SEC24D: variants seen among roughly 807,000 people sequenced by gnomAD.
The protein encoded by SEC24D is protein transport protein Sec24D.
In SEC24D, 69 loss-of-function variants were observed where a neutral mutation model predicts 116.9. That is an observed-to-expected ratio of 0.59 (90% CI 0.49 to 0.72). SEC24D has a LOEUF of 0.72. SEC24D is among the 30% of genes least tolerant of loss of function. The pLI is 0.00. For missense variants in SEC24D, 1,131 were observed against 1,264.1 expected (o/e 0.89, Z 1.60); for synonymous variants, 405 against 442.8 (o/e 0.91, Z 1.07).
At chr4:118,815,411 G>A (rs368133811) in intron 5 of SEC24D, 40 bp downstream of exon 5, 56 of 1,603,450 alleles carry the variant, frequency 3.5e-5, no homozygotes, top group Non-Finnish European at 4.6e-5. Context: ...GGGTTCCCCT[G>A]GGTAACACAA....
intron 13 of SEC24D, among the ~76,000 whole-genome samples, chr4:118,746,096 A>T (rs1002699019): frequency 1.3e-5 from 2 of 152,022 alleles, no homozygotes. Context: ...GGATTGCTTA[A>T]GCCTAGGAGT....
At position 118,728,607 on chromosome 4, in the gene SEC24D, C is replaced by T. The variant is rs746503908; in HGVS notation, c.2912G>A (p.Arg971Lys). Reference protein sequence around the residue: ...EVGNPYSQQLRMIMGIIQQKR... With the variant: ...EVGNPYSQQLKMIMGIIQQKR... ...TTGTTGGATAATACCCATTATCATT[C>T]TGAGTTGTTGAGAGTATGGGTTTCC... The change falls in exon 22 of 23, where the codon AGA (arginine) becomes AAA (lysine). Residue 971 changes from arginine to lysine, a missense_variant. Coordinates refer to ENST00000280551, the MANE Select transcript of SEC24D (RefSeq NM_014822.4). 2 of 1,611,358 alleles carry T rather than the reference C, an allele frequency of 1.2e-6. No individual in the cohort carries two copies. The highest frequency in any genetic ancestry group is 1.7e-6 in the Non-Finnish European group (2 of 1,178,310).
At chr4:118,726,845 A>G (rs966698942) in intron 22 of SEC24D, among the ~76,000 whole-genome samples, 5 of 152,192 alleles carry the variant, frequency 3.3e-5, no homozygotes, top group Admixed American at 3.3e-4. Flanking sequence ...TTTTTGAAAA[A>G]GTAATTAGCA....
At chr4:118,806,400 A>G (rs1252380907) in intron 6 of SEC24D, among the ~76,000 whole-genome samples, 1 of 151,780 alleles carries the variant, frequency 6.6e-6, no homozygotes, top group Non-Finnish European at 1.5e-5. Context: ...CTGTGCCGCA[A>G]TCATAGCTCA....
intron 17 of SEC24D, among the ~76,000 whole-genome samples, chr4:118,739,571 T>G (rs1156935456): frequency 6.6e-6 from 1 of 152,202 alleles, no homozygotes; most frequent in East Asian, 1.9e-4. Context: ...CTAGTCTGCA[T>G]TTTTCATAGC....
At chr4:118,787,268 C>A (rs1364484577) in intron 8 of SEC24D, among the ~76,000 whole-genome samples, 11 of 152,040 alleles carry the variant, frequency 7.2e-5, no homozygotes. Context: ...TTTTGTATGT[C>A]CAAGTTTTTA....
Position 118,744,967 on chromosome 4 carries a change from GTTT to G in SEC24D, c.1798_1800del (p.Lys600del). On this transcript the variant is annotated inframe_deletion, in exon 14 of 23. Transcript: ENST00000280551. ...ACCTTCTCTTTGTCTGTATTAACCA[GTTT>G]TTTGTCATCTCTGTTTTTGAGCTTC... 6.2e-7 allele frequency: 1 copy of G among 1,606,768 alleles called. No individual in the cohort carries two copies. The highest frequency in any genetic ancestry group is 8.5e-7 in the Non-Finnish European group (1 of 1,174,924).
rs1560692414 is a variant in SEC24D, at chr4:118,783,912, C to G, written c.1041+13771G>C. Among the ~76,000 whole-genome samples, 3 of 152,208 alleles carry G rather than the reference C, an allele frequency of 2.0e-5. No homozygotes were observed. In the South Asian group the frequency reaches 6.2e-4, roughly 31 times the overall value. ...GTTCAATCTGCTATTGACGTAAACA[C>G]TGAAGACTGGCCAGGCATAGTGGTT... On this transcript the variant is annotated intron_variant, in intron 8 of 22. Transcript: ENST00000280551.
intron 7 of SEC24D, among the ~76,000 whole-genome samples, chr4:118,801,126 G>A (rs1345343856): frequency 6.6e-6 from 1 of 152,078 alleles, no homozygotes; most frequent in Non-Finnish European, 1.5e-5. Flanking sequence ...GCCGGGCATG[G>A]TGGCGGGCAC....
intron 17 of SEC24D, 69 bp from the exon 18 acceptor site, chr4:118,739,356 C>G: frequency 6.8e-7 from 1 of 1,473,154 alleles, no homozygotes; most frequent in Non-Finnish European, 9.3e-7. Flanking sequence ...CTTGATCTTA[C>G]TTGCATTTAC....
At chr4:118,794,185 C>G (rs1008227511) in intron 8 of SEC24D, among the ~76,000 whole-genome samples, 4 of 152,078 alleles carry the variant, frequency 2.6e-5, no homozygotes, top group African/African-American at 9.7e-5. Flanking sequence ...GAGGCTTAAA[C>G]TAATGTTTGA....
In SEC24D at chr4:118,824,439, C is replaced by G. The variant is rs182120464; in HGVS notation, c.248+181G>C. ...GGGATTAAAGCCGTGAACCATCATG[C>G]CCAGCCATAACTTTTCTTATTGCTT... On this transcript the variant is annotated intron_variant, in intron 3 of 22. Transcript: ENST00000280551. Among the ~76,000 whole-genome samples, 1,301 of 152,330 alleles carry G rather than the reference C, an allele frequency of 8.5e-3. 8 individuals are homozygous for G. The highest frequency in any genetic ancestry group is 0.013 in the Non-Finnish European group (876 of 68,032).
In SEC24D at chr4:118,815,490, G is replaced by C. The variant is rs781297207; in HGVS notation, c.634C>G (p.Pro212Ala). The C allele has an allele frequency of 6.2e-7, 1 of 1,614,206 alleles. No individual in the cohort carries two copies. The highest frequency in any genetic ancestry group is 8.5e-7 in the Non-Finnish European group (1 of 1,180,036). Residue 212 changes from proline to alanine, a missense_variant, in exon 5 of 23, where the codon CCA (proline) becomes GCA (alanine). By Grantham distance (27) the Pro-to-Ala change is conservative (BLOSUM62 -1). Coordinates refer to ENST00000280551, the MANE Select transcript of SEC24D (RefSeq NM_014822.4). ...PNAQYQPPPL[P>A]GQTLGAGYPP... ...TATCCAGCACCCAAGGTCTGGCCTG[G>C]AAGAGGTGGGGGCTGGTACTGGGCA...
At chr4:118,829,250 T>C (rs917768905) in intron 2 of SEC24D, among the ~76,000 whole-genome samples, 3 of 152,186 alleles carry the variant, frequency 2.0e-5, no homozygotes, top group Non-Finnish European at 2.9e-5. Flanking sequence ...CAGTGGCTCA[T>C]GTTTGTAATT....
chr4:118,811,759 T>A (rs934272089), intron 6 of SEC24D, among the ~76,000 whole-genome samples: 1 of 152,212 alleles, frequency 6.6e-6, no homozygotes, highest in Non-Finnish European at 1.5e-5. Flanking sequence ...ATAAAAGTAA[T>A]GACTGGCAAT....
At chr4:118,731,699 A>G (rs1725692773) in intron 20 of SEC24D, among the ~76,000 whole-genome samples, 192 bp from the exon 21 acceptor site, 1 of 152,200 alleles carries the variant, frequency 6.6e-6, no homozygotes, top group Admixed American at 6.6e-5. Flanking sequence ...GCAGGGAGGA[A>G]GAGACAACAC....
At chr4:118,758,880 GACC>G (rs1727237554) in intron 10 of SEC24D, among the ~76,000 whole-genome samples, 1 of 152,062 alleles carries the variant, frequency 6.6e-6, no homozygotes, top group African/African-American at 2.4e-5. Flanking sequence ...GCCAAAATCA[GACC>G]AACAAAGAAA....
At chr4:118,723,739 G>A (rs1480996555) in intron 22 of SEC24D, 84 bp from the exon 23 acceptor site, 2 of 1,467,804 alleles carry the variant, frequency 1.4e-6, no homozygotes, top group African/African-American at 2.8e-5. Flanking sequence ...TTTCAATTTT[G>A]GCAAACATTA....
intron 8 of SEC24D, among the ~76,000 whole-genome samples, chr4:118,779,912 G>C (rs1728319128): frequency 2.0e-5 from 3 of 152,180 alleles, no homozygotes. Flanking sequence ...TAGTATTCCT[G>C]ATGGTAGTTT....
Sources: gnomAD v4.1 joint callset for allele counts (sites outside exome capture counted in the v4.1 genomes callset) on GRCh38, gnomAD v4.1.1 for gene constraint, MANE v1.5 for transcripts, NCBI Gene and HGNC (gene_info 2026-07-23, HGNC 2026-07-21) for gene names.